PFKFB1: variants seen among roughly 807,000 people sequenced by gnomAD.
PFKFB1 encodes 6-phosphofructo-2-kinase/fructose-2,6-bisphosphatase 1.
Under a neutral mutation model 46.4 loss-of-function variants are expected in PFKFB1, and 34 were observed. The ratio of observed to expected loss-of-function variants is 0.73; its 90% CI spans 0.56 to 0.98. The LOEUF (loss-of-function observed/expected upper bound fraction) is 0.98, where lower values mean the gene tolerates loss of function less well. Among genes scored for constraint, PFKFB1 ranks in the 50% least tolerant of loss-of-function variants. The pLI is 0.00. For synonymous variants in PFKFB1, 119 were observed against 133.8 expected (o/e 0.89, Z 0.76); for missense variants, 393 against 376.3 (o/e 1.04, Z -0.37).
chrX:54,993,584 T>C (rs1355024668), intron 1 of PFKFB1, among the ~76,000 whole-genome samples: 1 of 112,086 alleles, frequency 8.9e-6, no homozygotes, highest in Non-Finnish European at 1.9e-5. Flanking sequence ...AGGCTATCAC[T>C]GAACAGTCCT....
rs780551387 is a variant in PFKFB1, at chrX:54,958,855, T to C, written c.455A>G (p.Tyr152Cys). 7.9e-5 allele frequency: 92 copies of C among 1,171,334 alleles called. No homozygotes were observed. Among genetic ancestry groups the C allele is most frequent in the Non-Finnish European group, 9.8e-5 (84 of 860,805 alleles). The change falls in exon 5 of 14, where the codon TAC becomes TGC. Residue 152 changes from tyrosine (Y) to cysteine (C), a missense_variant. Tyr to Cys is a radical substitution (Grantham distance 194, BLOSUM62 -2). Coordinates refer to ENST00000375006, the MANE Select transcript of PFKFB1 (RefSeq NM_002625.4). The part of the protein sequence containing the change: ...LILQFAKEHG[Y>C]KVFFIESICN... ...AGAGTTGGAGTGTTACCATACCTTG[T>C]AACCATGTTCTTTTGCAAACTGCAG...
At chrX:54,950,859 G>T (rs1054329254) in intron 8 of PFKFB1, among the ~76,000 whole-genome samples, 5 of 112,647 alleles carry the variant, frequency 4.4e-5, no homozygotes, top group African/African-American at 9.7e-5. Flanking sequence ...CATCTCCAGT[G>T]GGGGAGCTGA....
intron 10 of PFKFB1, among the ~76,000 whole-genome samples, chrX:54,939,944 A>T (rs1933557797): frequency 8.9e-6 from 1 of 111,977 alleles, no homozygotes; most frequent in Admixed American, 9.5e-5. Context: ...CAAAAAAAGG[A>T]GAATTTTAGA....
intron 1 of PFKFB1, among the ~76,000 whole-genome samples, chrX:54,983,491 C>T (rs1417676282): frequency 8.9e-6 from 1 of 112,035 alleles, no homozygotes. Context: ...CTGCAAAGGA[C>T]ATGATGTCAT....
At chrX:54,992,998 A>G (rs1158834243) in intron 1 of PFKFB1, among the ~76,000 whole-genome samples, 1 of 111,318 alleles carries the variant, frequency 9.0e-6, no homozygotes, top group Admixed American at 9.5e-5. Context: ...GCTACCCCCA[A>G]TATCCCTAAG....
chrX:54,998,412 T>C (rs1452248770), upstream of PFKFB1: 1 of 1,149,593 alleles, frequency 8.7e-7, no homozygotes, highest in Non-Finnish European at 1.2e-6. Flanking sequence ...CTACCTTTTA[T>C]TCTAGAGGTT....
intron 10 of PFKFB1, among the ~76,000 whole-genome samples, chrX:54,941,419 T>G (rs150966797): frequency 0.047 from 5,202 of 111,576 alleles, 322 homozygotes; most frequent in African/African-American, 0.16. Flanking sequence ...AAGAGCTTCT[T>G]CACAGCAAAA....
chrX:54,991,410 A>G (rs929499781), intron 1 of PFKFB1, among the ~76,000 whole-genome samples: 2 of 111,500 alleles, frequency 1.8e-5, no homozygotes, highest in African/African-American at 6.5e-5. Context: ...ATGGAGTGAT[A>G]TACCGTGTTT....
intron 10 of PFKFB1, among the ~76,000 whole-genome samples, chrX:54,944,853 G>A (rs1437357506): frequency 8.9e-6 from 1 of 112,115 alleles, no homozygotes; most frequent in Non-Finnish European, 1.9e-5. Flanking sequence ...CCTCCCAGAT[G>A]TCCTTCTTTT....
intron 5 of PFKFB1, 81 bp downstream of exon 5, chrX:54,958,770 C>G (rs1934228297): frequency 1.5e-6 from 1 of 650,532 alleles, no homozygotes; most frequent in African/African-American, 2.2e-5. Flanking sequence ...GATTTGGCCG[C>G]TCTGAGTCCC....
Position 54,981,620 on chromosome X carries a change from C to T in PFKFB1, c.97+12291G>A, listed in dbSNP as rs185402108. 2.7e-5 allele frequency among the ~76,000 whole-genome samples: 3 copies of T among 111,250 alleles called. No individual in the cohort carries two copies. In the East Asian group the frequency reaches 8.5e-4, roughly 32 times the overall value. ...AGAAAAATAGTACCAAAAGAAAGGG[C>T]TAAGAGACAAGAAGAAATGGTGAGC... On this transcript the variant is annotated intron_variant, in intron 1 of 13. Coordinates refer to ENST00000375006, the MANE Select transcript of PFKFB1 (RefSeq NM_002625.4).
chrX:54,958,297 G>C lies in PFKFB1; in HGVS notation c.516+9C>G. The C allele has an allele frequency of 8.7e-7, 1 of 1,151,734 alleles. No individual in the cohort carries two copies. Among genetic ancestry groups the C allele is most frequent in the Non-Finnish European group, 1.2e-6 (1 of 842,840 alleles). The allele number at this position is 1,151,734 out of a possible 1,213,427, so 94.9% of individuals were successfully genotyped here. The stretch of plus-strand genomic sequence containing the variant: ...AGAGCAAAGTGGAAAAGTAACTGGT[G>C]GTCCTTACCCTGATGTTTTCTGCAA... On this transcript the variant is annotated intron_variant, in intron 6 of 13. Transcript: ENST00000375006.
At chrX:54,936,660 C>T (rs955427492) in intron 11 of PFKFB1, among the ~76,000 whole-genome samples, 1 of 111,416 alleles carries the variant, frequency 9.0e-6, no homozygotes, top group African/African-American at 3.3e-5. Context: ...AGAAATCTAC[C>T]AGTGCAAGGA....
At chrX:54,971,861 C>A (rs1445044529) in intron 1 of PFKFB1, among the ~76,000 whole-genome samples, 1 of 103,019 alleles carries the variant, frequency 9.7e-6, no homozygotes. Context: ...GTAGTTTTTT[C>A]CAATTCTGTG....
upstream of PFKFB1, among the ~76,000 whole-genome samples, chrX:54,997,319 A>G (rs1935371922): frequency 8.9e-6 from 1 of 111,734 alleles, no homozygotes; most frequent in African/African-American, 3.3e-5. Context: ...AAAAGGGCCA[A>G]TGAACTCGTG....
upstream of PFKFB1, chrX:54,994,883 A>AG (rs201531723): frequency 1.5e-3 from 1,151 of 749,987 alleles, 9 homozygotes; most frequent in African/African-American, 0.023. Flanking sequence ...CTGGGGCTGG[A>AG]GGTGGGGGAA....
At chrX:54,993,769 G>A in intron 1 of PFKFB1, 142 bp downstream of exon 1, 1 of 822,797 alleles carries the variant, frequency 1.2e-6, no homozygotes, top group Admixed American at 4.0e-5. Context: ...TTTGACACTA[G>A]CCTCTATTTC....
chrX:54,972,912 G>A (rs1438595884), intron 1 of PFKFB1, among the ~76,000 whole-genome samples: 1 of 111,639 alleles, frequency 9.0e-6, no homozygotes, highest in African/African-American at 3.3e-5. Flanking sequence ...CAGACGGAAT[G>A]GTACCAGTTC....
chrX:54,934,831 T>A, intron 12 of PFKFB1, 116 bp downstream of exon 12: 29 of 481,559 alleles, frequency 6.0e-5, no homozygotes, highest in Non-Finnish European at 7.8e-5. Context: ...GGGAACCTCC[T>A]GCAGGACACC....
Sources: gnomAD v4.1 joint callset for allele counts (sites outside exome capture counted in the v4.1 genomes callset) on GRCh38, gnomAD v4.1.1 for gene constraint, MANE v1.5 for transcripts, NCBI Gene and HGNC (gene_info 2026-07-23, HGNC 2026-07-21) for gene names.